The following SORL1 variants were observed in gnomAD, a reference collection of about 807,000 sequenced individuals.
SORL1 encodes the protein sortilin related receptor 1, also known as sortilin-related receptor.
SORL1 carries 127 observed loss-of-function variants against 273.7 expected under a neutral mutation model. The observed-to-expected ratio is 0.46, with a 90% CI of 0.40 to 0.54. SORL1 has a LOEUF of 0.54. Among genes scored for constraint, SORL1 ranks in the 20% least tolerant of loss-of-function variants. The pLI is 0.00. For synonymous variants in SORL1, 1,031 were observed against 1,067.4 expected (o/e 0.97, Z 0.66); for missense variants, 2,494 against 2,846.1 (o/e 0.88, Z 2.81).
chr11:121,481,158 G>A (rs1282642881), intron 3 of SORL1, among the ~76,000 whole-genome samples: 10 of 88,616 alleles, frequency 1.1e-4, no homozygotes, highest in African/African-American at 1.5e-4. Flanking sequence ...AGCTTCTTCC[G>A]TAGTGCACAG....
At chr11:121,600,234 G>A (rs1392406270) in intron 32 of SORL1, among the ~76,000 whole-genome samples, 2 of 152,140 alleles carry the variant, frequency 1.3e-5, no homozygotes, top group East Asian at 3.8e-4. Context: ...TCTCCTTTGT[G>A]GAGATAGGAG....
intron 2 of SORL1, among the ~76,000 whole-genome samples, chr11:121,470,403 T>A (rs1861149899): frequency 6.6e-6 from 1 of 152,228 alleles, no homozygotes; most frequent in Non-Finnish European, 1.5e-5. Flanking sequence ...AATACCAGAG[T>A]GCCTTCCTGG....
chr11:121,554,697 A>C lies in SORL1; in HGVS notation c.2440-490A>C, dbSNP rs1216481828. On this transcript the variant is annotated intron_variant, in intron 17 of 47. Transcript: ENST00000260197. This position sits in a 1 kb window ranked among gnomAD's most constrained non-coding sequence, Gnocchi z 4.6. The stretch of plus-strand genomic sequence containing the variant: ...GATTCCAACCCAACAGAAATTTCAC[A>C]GTGCCTGGGTATTTGAGGGGCTTGG... 6.6e-6 allele frequency among the ~76,000 whole-genome samples: 1 copy of C among 152,212 alleles called. No homozygotes were observed. Among genetic ancestry groups the C allele is most frequent in the African/African-American group, 2.4e-5 (1 of 41,466 alleles).
Position 121,627,466 on chromosome 11 carries a change from C to T in SORL1, c.6365-89C>T. ...TTGTGTAGCTGTGGCTATCGCCCAG[C>T]TTTTTTTGGTGGGTGGGGCCTTGAG... On this transcript the variant is annotated intron_variant, in intron 46 of 47. Coordinates refer to ENST00000260197, the MANE Select transcript of SORL1 (RefSeq NM_003105.6). The surrounding 1 kb of genome is among the most constrained non-coding windows in gnomAD (Gnocchi z 4.9). 1 of 1,087,680 alleles carries T rather than the reference C, an allele frequency of 9.2e-7. No individual in the cohort carries two copies. 67.4% of individuals were successfully genotyped at this position (1,087,680 alleles called of 1,614,324 possible).
intron 41 of SORL1, among the ~76,000 whole-genome samples, chr11:121,617,019 T>A (rs938115993): frequency 6.6e-6 from 1 of 152,218 alleles, no homozygotes; most frequent in Non-Finnish European, 1.5e-5. Flanking sequence ...TTTCTGGTTG[T>A]CAATTGGTTG....
At chr11:121,610,831 C>A in intron 38 of SORL1, 1 of 395,772 alleles carries the variant, frequency 2.5e-6, no homozygotes, top group Admixed American at 4.1e-5. Flanking sequence ...AACTTTTCTG[C>A]CTGACCTAAT....
chr11:121,562,044 T>G (rs1265917700), intron 21 of SORL1, among the ~76,000 whole-genome samples: 1 of 152,116 alleles, frequency 6.6e-6, no homozygotes, highest in Non-Finnish European at 1.5e-5. Context: ...CTTGCTTTTT[T>G]TGGACACTGA....
Position 121,605,519 on chromosome 11 carries a change from C to T in SORL1, c.4896C>T (p.Leu1632=). 1.2e-6 allele frequency: 2 copies of T among 1,614,150 alleles called. No individual in the cohort carries two copies. Among genetic ancestry groups the T allele is most frequent in the Non-Finnish European group, 1.7e-6 (2 of 1,179,986 alleles). Reference sequence around the variant, plus strand: ...AGGTTAAAGTACAGGTTCAGTGTCTCAGCAAGGCACACAACACCAATGACT... The same window carrying T: ...AGGTTAAAGTACAGGTTCAGTGTCTTAGCAAGGCACACAACACCAATGACT... ...TYQVKVQVQC[L]SKAHNTNDFV... The change falls in exon 35 of 48, where the codon CTC becomes CTT. Residue 1632 remains leucine, a synonymous_variant. Coordinates refer to ENST00000260197, the MANE Select transcript of SORL1 (RefSeq NM_003105.6).
chr11:121,608,044 C>T (rs1863504999), intron 37 of SORL1, 60 bp from the exon 38 acceptor site: 6 of 1,446,170 alleles, frequency 4.1e-6, no homozygotes, highest in Non-Finnish European at 5.8e-6. Context: ...AGTATTCTTA[C>T]TGTATGGTGT....
intron 28 of SORL1, among the ~76,000 whole-genome samples, chr11:121,589,038 C>T (rs763950285): frequency 3.9e-5 from 6 of 152,156 alleles, no homozygotes; most frequent in Non-Finnish European, 7.3e-5. Flanking sequence ...AGGATAAACT[C>T]AGCTCATAAC....
chr11:121,605,307 C>G (rs747913694), intron 34 of SORL1, 68 bp downstream of exon 34: 143 of 1,581,620 alleles, frequency 9.0e-5, no homozygotes, highest in Non-Finnish European at 1.2e-4. Flanking sequence ...TCTGTAAACT[C>G]TCTAGTGGCA....
In SORL1 at chr11:121,470,085, C is replaced by T. The variant is rs775517202; in HGVS notation, c.364C>T (p.Arg122Ter). 1.9e-6 allele frequency: 3 copies of T among 1,614,060 alleles called. No individual in the cohort carries two copies. The highest frequency in any genetic ancestry group is 2.5e-6 in the Non-Finnish European group (3 of 1,179,976). Residue 122 changes from arginine to a stop codon, truncating the protein, a stop_gained, in exon 2 of 48, where the codon CGA becomes TGA. Transcript: ENST00000260197. LOFTEE classifies it high-confidence loss of function. ...AAGCAACGTGATCGTGGCCTTGGCCCGAGATAGCCTGGCATTGGCGAGGCC... is the reference window on the plus strand; with the variant it reads ...AAGCAACGTGATCGTGGCCTTGGCCTGAGATAGCCTGGCATTGGCGAGGCC... ...EKSNVIVALA[R>*]DSLALARPKS... is the part of the protein sequence containing the mutation.
At chr11:121,610,087 A>C (rs1863539355) in intron 38 of SORL1, 1 of 152,074 alleles carries the variant, frequency 6.6e-6, no homozygotes, top group Non-Finnish European at 1.5e-5. Context: ...ATCTGGACAG[A>C]CCTCTTCAGA....
intron 12 of SORL1, among the ~76,000 whole-genome samples, chr11:121,540,084 C>T (rs1362267721): frequency 2.0e-5 from 3 of 152,190 alleles, no homozygotes; most frequent in Non-Finnish European, 4.4e-5. Flanking sequence ...CTAGCAGTAA[C>T]TGAATTTGTT....
Position 121,558,714 on chromosome 11 carries a change from C to T in SORL1, c.2787C>T (p.Asp929=), listed in dbSNP as rs188932219. 1.1e-4 allele frequency: 177 copies of T among 1,614,106 alleles called. No individual in the cohort carries two copies. The highest frequency in any genetic ancestry group is 9.0e-4 in the Admixed American group (54 of 60,008). ...AGTGGCCCAATGGCATCTCTGTGGA[C>T]GACCAGTGGATTTACTGGACGGATG... ...DVKWPNGISV[D]DQWIYWTDAY... is the part of the protein sequence containing the mutation. The change falls in exon 20 of 48, where the codon GAC becomes GAT. Residue 929 remains aspartate (D), a synonymous_variant. Transcript: ENST00000260197.
chr11:121,567,873 C>G (rs1000933533), intron 22 of SORL1, among the ~76,000 whole-genome samples: 2 of 152,132 alleles, frequency 1.3e-5, no homozygotes, highest in African/African-American at 2.4e-5. Flanking sequence ...TTTTCCTTAT[C>G]TGTGATTCTA....
In SORL1 at chr11:121,599,844, C is replaced by G. The variant is rs371580955; in HGVS notation, c.4519+4072C>G. Among the ~76,000 whole-genome samples, 24 of 151,958 alleles carry G rather than the reference C, an allele frequency of 1.6e-4. No individual in the cohort carries two copies. The East Asian group carries it at 3.3e-3, about 21-fold the overall frequency. On this transcript the variant is annotated intron_variant, in intron 32 of 47. Coordinates refer to ENST00000260197, the MANE Select transcript of SORL1 (RefSeq NM_003105.6). The stretch of plus-strand genomic sequence containing the variant: ...TAAACCTTAAAAGATTCTTATTTCT[C>G]TTTCTGTCGCCTTATGCCTGTTTGC...
intron 32 of SORL1, among the ~76,000 whole-genome samples, chr11:121,598,629 A>G (rs1180229877): frequency 6.6e-6 from 1 of 152,220 alleles, no homozygotes; most frequent in Admixed American, 6.5e-5. Flanking sequence ...AGTCTTTGCC[A>G]GTTTTCACAC....
chr11:121,629,216 A>C, intron 47 of SORL1: 1 of 443,278 alleles, frequency 2.3e-6, no homozygotes, highest in Non-Finnish European at 4.0e-6. Context: ...TGAGTAGGTA[A>C]TAAGAGTCTT....
Sources: gnomAD v4.1 joint callset for allele counts (sites outside exome capture counted in the v4.1 genomes callset) on GRCh38, gnomAD v4.1.1 for gene constraint, Gnocchi (gnomAD v3.1) non-coding constraint, MANE v1.5 for transcripts, NCBI Gene and HGNC (gene_info 2026-07-23, HGNC 2026-07-21) for gene names.